SLC26A8: variants seen among roughly 807,000 people sequenced by gnomAD.
SLC26A8 encodes solute carrier family 26 member 8.
A neutral mutation model predicts 105.0 loss-of-function variants in SLC26A8; 70 were observed. The observed-to-expected ratio is 0.67, with a 90% confidence interval of 0.55 to 0.81. The LOEUF (loss-of-function observed/expected upper bound fraction) is 0.81. Among genes scored for constraint, SLC26A8 ranks in the 40% least tolerant of loss-of-function variants. The probability of loss-of-function intolerance (pLI) is 0.00; values close to 1 mark genes in which losing one functional copy is unlikely to be tolerated. For missense variants in SLC26A8, 998 were observed against 1,181.8 expected, an observed-to-expected ratio of 0.84 and a Z score of 2.28; for synonymous variants, 415 against 438.3, an observed-to-expected ratio of 0.95 and a Z score of 0.66.
intron 10 of SLC26A8, among the ~76,000 whole-genome samples, chr6:35,971,625 C>T (rs1025413765): frequency 3.9e-5 from 6 of 152,182 alleles, no homozygotes; most frequent in Non-Finnish European, 7.3e-5. Context: ...TCCCCACTTT[C>T]CAGATGAAGA....
At chr6:35,999,937 T>C (rs1761471519) in intron 4 of SLC26A8, 55 bp downstream of exon 4, 3 of 1,224,540 alleles carry the variant, frequency 2.4e-6, no homozygotes, top group Non-Finnish European at 3.6e-6. Context: ...GCAATAAGTA[T>C]ATGATCAAGA....
At chr6:35,997,677 G>C (rs1761393827) in intron 5 of SLC26A8, 61 bp downstream of exon 5, 2 of 1,498,542 alleles carry the variant, frequency 1.3e-6, no homozygotes, top group African/African-American at 1.4e-5. Flanking sequence ...TATAAGGAAG[G>C]GGTCTGTTTA....
At chr6:35,946,809 T>C (rs1253495556) in intron 19 of SLC26A8, among the ~76,000 whole-genome samples, 6 of 151,734 alleles carry the variant, frequency 4.0e-5, no homozygotes, top group African/African-American at 1.5e-4. Flanking sequence ...TGCCTCAAGC[T>C]CCCGAGTAGC....
chr6:35,987,931 A>C (rs1441847008), intron 7 of SLC26A8, among the ~76,000 whole-genome samples: 1 of 100,336 alleles, frequency 1.0e-5, no homozygotes, highest in Non-Finnish European at 2.1e-5. Context: ...TTTTTTTTTT[A>C]CATGGAGTCT....
intron 3 of SLC26A8, among the ~76,000 whole-genome samples, chr6:36,009,667 T>C (rs7764721): frequency 0.05 from 7,581 of 152,258 alleles, 440 homozygotes; most frequent in African/African-American, 0.14. Context: ...GAAGAACATA[T>C]TAATGATTGC....
chr6:36,008,070 A>T (rs894914384), intron 3 of SLC26A8, among the ~76,000 whole-genome samples: 2 of 147,410 alleles, frequency 1.4e-5, no homozygotes, highest in African/African-American at 2.5e-5. Flanking sequence ...CAGTGAGCCG[A>T]GATTGAGCCA....
intron 5 of SLC26A8, among the ~76,000 whole-genome samples, chr6:35,993,768 G>A (rs544696483): frequency 3.3e-5 from 5 of 152,252 alleles, no homozygotes; most frequent in Non-Finnish European, 5.9e-5. Flanking sequence ...GCTCATGCCT[G>A]TAATCTCAGC....
chr6:35,949,380 C>T (rs1424832573), intron 19 of SLC26A8, among the ~76,000 whole-genome samples: 2 of 151,740 alleles, frequency 1.3e-5, no homozygotes, highest in African/African-American at 4.8e-5. Flanking sequence ...TGCAGTGAGC[C>T]GAGACCATGC....
At chr6:35,964,966 CA>C (rs34171959) in intron 11 of SLC26A8, among the ~76,000 whole-genome samples, 160 of 122,826 alleles carry the variant, frequency 1.3e-3, no homozygotes, top group Admixed American at 1.8e-3. Flanking sequence ...GACCATGTCT[CA>C]AAAAAAAAAA....
At chr6:35,970,824 G>A (rs1316524449) in intron 10 of SLC26A8, among the ~76,000 whole-genome samples, 1 of 152,058 alleles carries the variant, frequency 6.6e-6, no homozygotes, top group Non-Finnish European at 1.5e-5. Flanking sequence ...TCAGGAGTTC[G>A]ACACCAGCCT....
intron 1 of SLC26A8, among the ~76,000 whole-genome samples, chr6:36,020,803 T>C (rs545299162): frequency 5.2e-4 from 79 of 152,308 alleles, no homozygotes; most frequent in African/African-American, 1.8e-3. Flanking sequence ...AGCATATGTA[T>C]AAACCACATA....
At chr6:36,010,735 C>T (rs1168945163) in intron 3 of SLC26A8, among the ~76,000 whole-genome samples, 1 of 151,768 alleles carries the variant, frequency 6.6e-6, no homozygotes, top group Non-Finnish European at 1.5e-5. Flanking sequence ...GATGGGGTTT[C>T]ACTATGTTGC....
chr6:35,964,932 T>A (rs537554528), intron 11 of SLC26A8, among the ~76,000 whole-genome samples: 38 of 146,240 alleles, frequency 2.6e-4, no homozygotes, highest in African/African-American at 8.7e-4. Context: ...GGGCCACCGC[T>A]CTCCAGTCTG....
chr6:35,951,101 A>ACCCAACCCCCCACATCCCACAAT, intron 19 of SLC26A8, 62 bp downstream of exon 19: 1 of 1,072,412 alleles, frequency 9.3e-7, no homozygotes, highest in Non-Finnish European at 1.3e-6. Flanking sequence ...ACCACCCCTC[A>ACCCAACCCCCCACATCCCACAAT]CCCATCCCCC....
chr6:36,010,576 T>G (rs901716237), intron 3 of SLC26A8, among the ~76,000 whole-genome samples: 6 of 149,876 alleles, frequency 4.0e-5, no homozygotes, highest in Non-Finnish European at 8.9e-5. Flanking sequence ...TCTCGCTCTG[T>G]CACCCAGGCT....
chr6:35,957,614 T>G (rs1772132091), intron 16 of SLC26A8, among the ~76,000 whole-genome samples: 1 of 151,338 alleles, frequency 6.6e-6, no homozygotes, highest in Non-Finnish European at 1.5e-5. Flanking sequence ...ACCTTTTTTT[T>G]TTTTTTTTTG....
intron 19 of SLC26A8, among the ~76,000 whole-genome samples, chr6:35,945,444 G>C (rs867287502): frequency 2.0e-5 from 3 of 152,222 alleles, no homozygotes; most frequent in Non-Finnish European, 4.4e-5. Context: ...ATAAGGCTGT[G>C]TGTGACCTGG....
intron 19 of SLC26A8, among the ~76,000 whole-genome samples, chr6:35,948,900 T>C (rs1394200526): frequency 6.6e-6 from 1 of 152,120 alleles, no homozygotes; most frequent in Non-Finnish European, 1.5e-5. Context: ...AGGGCTAGCA[T>C]AAACCCTTTT....
At position 35,951,504 on chromosome 6, in the gene SLC26A8, G is replaced by T. The variant is rs368479867; in HGVS notation, c.2233-5C>A. The T allele has an allele frequency of 4.3e-6, 7 of 1,613,818 alleles. No individual in the cohort carries two copies. The highest frequency in any genetic ancestry group is 2.2e-5 in the East Asian group (1 of 44,894). On this transcript the variant is annotated splice_region_variant and splice_polypyrimidine_tract_variant and intron_variant, in intron 17 of 19. Transcript: ENST00000490799. The stretch of plus-strand genomic sequence containing the variant: ...GTTTTGAAAGGCATTGCATATCTGT[G>T]GGGGGAGAGAAAACCAGTATCAGAA...
Sources: allele counts gnomAD v4.1 joint callset (sites outside exome capture counted in the v4.1 genomes callset), GRCh38; gene constraint gnomAD v4.1.1; transcripts MANE v1.5; gene names NCBI Gene and HGNC (gene_info 2026-07-23, HGNC 2026-07-21).